CSNK1G1: variants seen among roughly 807,000 people sequenced by gnomAD.
CSNK1G1 encodes casein kinase I isoform gamma-1.
A neutral mutation model predicts 59.6 loss-of-function variants in CSNK1G1; 22 were observed. The ratio of observed to expected loss-of-function variants is 0.37; its 90% CI spans 0.26 to 0.53. CSNK1G1 has a LOEUF of 0.53. CSNK1G1 is among the 20% of genes least tolerant of loss of function. CSNK1G1 has a pLI of 0.89. For missense variants in CSNK1G1, 384 were observed against 519.5 expected (o/e 0.74, Z 2.54); for synonymous variants, 179 against 177.1 (o/e 1.01, Z -0.08).
At chr15:64,297,642 A>T (rs1895098436) in intron 2 of CSNK1G1, among the ~76,000 whole-genome samples, 1 of 151,978 alleles carries the variant, frequency 6.6e-6, no homozygotes, top group South Asian at 2.1e-4. Context: ...AGGCTGCGTG[A>T]GCTATGATCA....
intron 2 of CSNK1G1, among the ~76,000 whole-genome samples, chr15:64,278,373 T>TGTGC (rs1381580062): frequency 3.0e-5 from 4 of 134,508 alleles, no homozygotes; most frequent in East Asian, 2.2e-4. Context: ...TATGCATGTA[T>TGTGC]GTGCGTGTGT....
rs115868929 is a variant in CSNK1G1 at position 64,298,113 on chromosome 15, A to C, written c.181+2206T>G. 3.0e-3 allele frequency among the ~76,000 whole-genome samples: 463 copies of C among 152,332 alleles called. 1 individual carries two copies. Among genetic ancestry groups the C allele is most frequent in the African/African-American group, 0.011 (446 of 41,582 alleles). On this transcript the variant is annotated intron_variant, in intron 2 of 11. Coordinates refer to ENST00000303052, the MANE Select transcript of CSNK1G1 (RefSeq NM_022048.5). ...CTCAGATTCAAAGAGGAAACAAAAC[A>C]CAATACTACTCTGAAAATATATATG...
chr15:64,217,366 G>C (rs75646970), intron 4 of CSNK1G1, among the ~76,000 whole-genome samples: 1 of 152,202 alleles, frequency 6.6e-6, no homozygotes. Context: ...ACAAGGCTGG[G>C]TTTTCCCCAG....
intron 6 of CSNK1G1, 81 bp downstream of exon 6, chr15:64,213,809 T>C: frequency 2.1e-6 from 2 of 951,912 alleles, no homozygotes; most frequent in Non-Finnish European, 3.3e-6. Context: ...CAAGTTGTAA[T>C]GCACAATGGG....
At chr15:64,308,997 T>C (rs1022396780) in intron 1 of CSNK1G1, among the ~76,000 whole-genome samples, 1 of 152,170 alleles carries the variant, frequency 6.6e-6, no homozygotes, top group Admixed American at 6.5e-5. Context: ...TTATATTTTA[T>C]GTTAATGAAT....
At chr15:64,186,258 C>T (rs958661030) in intron 10 of CSNK1G1, among the ~76,000 whole-genome samples, 1 of 152,160 alleles carries the variant, frequency 6.6e-6, no homozygotes, top group Non-Finnish European at 1.5e-5. Flanking sequence ...AGGTACCCAC[C>T]ACCACGCCCA....
At chr15:64,283,955 CTT>C (rs1184839657) in intron 2 of CSNK1G1, among the ~76,000 whole-genome samples, 1 of 151,844 alleles carries the variant, frequency 6.6e-6, no homozygotes, top group Non-Finnish European at 1.5e-5. Context: ...TTTTTTAAGA[CTT>C]TTATAGTTTT....
In CSNK1G1 at chr15:64,300,427, A is replaced by G. The variant is rs761150974; in HGVS notation, c.73T>C (p.Cys25Arg). 6.2e-7 allele frequency: 1 copy of G among 1,614,170 alleles called. No individual in the cohort carries two copies. The highest frequency in any genetic ancestry group is 1.1e-5 in the South Asian group (1 of 91,084). Residue 25 changes from cysteine to arginine, a missense_variant, in exon 2 of 12, where the codon TGC becomes CGC. Physicochemically the swap from Cys to Arg is radical, Grantham distance 180. Around this residue, in one of 3 missense-constraint regions of CSNK1G1, gnomAD observed 56 missense variants for 60.8 expected, o/e 0.92. Coordinates refer to ENST00000303052, the MANE Select transcript of CSNK1G1 (RefSeq NM_022048.5). The part of the protein sequence containing the change: ...TKPMAQRSAH[C>R]SRPSGSSSSS... ...GATGAGGAGCCAGATGGTCGAGAGC[A>G]GTGTGCACTCCTTTGTGCCATGGGT... is the stretch of plus-strand genomic sequence containing the variant.
At chr15:64,237,240 A>G (rs921518902) in intron 4 of CSNK1G1, among the ~76,000 whole-genome samples, 20 of 152,202 alleles carry the variant, frequency 1.3e-4, no homozygotes, top group Admixed American at 2.0e-4. Flanking sequence ...ATCTATGTAT[A>G]TAACAAAATT....
intron 4 of CSNK1G1, among the ~76,000 whole-genome samples, chr15:64,223,115 G>T (rs2082412632): frequency 6.6e-6 from 1 of 152,074 alleles, no homozygotes; most frequent in Non-Finnish European, 1.5e-5. Flanking sequence ...TCGCAGGAGT[G>T]CCCATAAAGT....
intron 2 of CSNK1G1, among the ~76,000 whole-genome samples, chr15:64,289,331 A>G (rs1039299789): frequency 6.6e-6 from 1 of 152,192 alleles, no homozygotes; most frequent in Non-Finnish European, 1.5e-5. Flanking sequence ...TGCAATGCAG[A>G]CTGTGTGTCA....
chr15:64,304,865 T>C (rs548983562), intron 1 of CSNK1G1, among the ~76,000 whole-genome samples: 4 of 152,296 alleles, frequency 2.6e-5, no homozygotes, highest in South Asian at 4.1e-4. Context: ...CTGGATCATA[T>C]GGTAAGTGTA....
chr15:64,266,963 T>C (rs1422801556), intron 2 of CSNK1G1, among the ~76,000 whole-genome samples: 1 of 152,176 alleles, frequency 6.6e-6, no homozygotes, highest in Non-Finnish European at 1.5e-5. Context: ...AAAGATGTTT[T>C]GGATGGGACC....
intron 1 of CSNK1G1, among the ~76,000 whole-genome samples, chr15:64,307,269 C>T (rs1174794470): frequency 6.6e-6 from 1 of 152,036 alleles, no homozygotes; most frequent in Non-Finnish European, 1.5e-5. Flanking sequence ...GAACTCTGTA[C>T]TCTCCACTCC....
intron 2 of CSNK1G1, among the ~76,000 whole-genome samples, chr15:64,293,737 T>A (rs917101598): frequency 7.2e-5 from 11 of 152,056 alleles, no homozygotes; most frequent in African/African-American, 2.7e-4. Flanking sequence ...ACCTGAAAGA[T>A]CAGTGGCAGC....
chr15:64,298,494 G>A (rs550739765), intron 2 of CSNK1G1, among the ~76,000 whole-genome samples: 34 of 152,250 alleles, frequency 2.2e-4, no homozygotes, highest in Non-Finnish European at 3.7e-4. Context: ...CATCTTACTC[G>A]TATTGTAAGT....
intron 6 of CSNK1G1, among the ~76,000 whole-genome samples, chr15:64,209,832 T>A (rs555558155): frequency 1.1e-4 from 16 of 152,320 alleles, no homozygotes; most frequent in Non-Finnish European, 1.6e-4. Flanking sequence ...TCCATTTTTA[T>A]ATCCACTTCC....
At chr15:64,206,845 T>C (rs1596093563) in intron 7 of CSNK1G1, among the ~76,000 whole-genome samples, 1 of 152,182 alleles carries the variant, frequency 6.6e-6, no homozygotes, top group African/African-American at 2.4e-5. Context: ...TGAAAAGCAA[T>C]CTTAAACCTG....
At position 64,281,154 on chromosome 15, in the gene CSNK1G1, C is replaced by T. The variant is rs140204568; in HGVS notation, c.181+19165G>A. On this transcript the variant is annotated intron_variant, in intron 2 of 11. Transcript: ENST00000303052. ...TCGGCGTCCCAAAGTGCTAGGATTA[C>T]AGGCATACGCCACCATGCCGGGCCA... Among the ~76,000 whole-genome samples, 32 of 152,330 alleles carry T rather than the reference C, an allele frequency of 2.1e-4. No individual in the cohort carries two copies. The East Asian group carries it at 6.2e-3, about 29-fold the overall frequency.
Sources: allele counts gnomAD v4.1 joint callset (sites outside exome capture counted in the v4.1 genomes callset), GRCh38; gene constraint gnomAD v4.1.1; regional missense constraint gnomAD v4.1.1; transcripts MANE v1.5; gene names NCBI Gene and HGNC (gene_info 2026-07-23, HGNC 2026-07-21).